MAP3K5: variants seen among roughly 807,000 people sequenced by gnomAD.
MAP3K5 encodes the protein ASK-1.
Under a neutral mutation model 158.7 loss-of-function variants are expected in MAP3K5, and 56 were observed. The observed-to-expected ratio is 0.35, with a 90% CI of 0.28 to 0.44. The LOEUF (loss-of-function observed/expected upper bound fraction) is 0.44, where lower values mean the gene tolerates loss of function less well. MAP3K5 is among the 20% of genes least tolerant of loss of function. The pLI is 1.00. For missense variants in MAP3K5, 1,294 were observed against 1,674.8 expected (o/e 0.77, Z 3.97); for synonymous variants, 579 against 601.7 (o/e 0.96, Z 0.55).
At chr6:136,581,379 G>A (rs1036456368) in intron 24 of MAP3K5, among the ~76,000 whole-genome samples, 2 of 152,106 alleles carry the variant, frequency 1.3e-5, no homozygotes, top group African/African-American at 4.8e-5. Flanking sequence ...TTTAGCATAA[G>A]ACTATGACAA....
intron 23 of MAP3K5, among the ~76,000 whole-genome samples, chr6:136,589,503 T>C (rs1053595756): frequency 6.6e-6 from 1 of 152,232 alleles, no homozygotes; most frequent in Non-Finnish European, 1.5e-5. Flanking sequence ...TCCTTGTGTT[T>C]GTACACAGAA....
chr6:136,586,604 C>T (rs1438600840), intron 23 of MAP3K5, among the ~76,000 whole-genome samples: 1 of 152,202 alleles, frequency 6.6e-6, no homozygotes, highest in Non-Finnish European at 1.5e-5. Context: ...TAACGGTATG[C>T]ATTTCCTGCA....
chr6:136,569,383 C>G (rs1583196555), intron 25 of MAP3K5, among the ~76,000 whole-genome samples: 1 of 152,188 alleles, frequency 6.6e-6, no homozygotes, highest in East Asian at 1.9e-4. Context: ...TCTATTCTCT[C>G]TGTAGCTTGT....
rs190455552 is a variant in MAP3K5 at position 136,624,646 on chromosome 6, A to G, written c.2017-1665T>C. The stretch of plus-strand genomic sequence containing the variant: ...CTAAAAATAAGACAGCCAAAAGTAT[A>G]TTTTACTTTCCTTTAAAATAACCAA... On this transcript the variant is annotated intron_variant, in intron 14 of 29. Transcript: ENST00000359015. Among the ~76,000 whole-genome samples, 70 of 152,304 alleles carry G rather than the reference A, an allele frequency of 4.6e-4. No individual in the cohort carries two copies. The Middle Eastern group carries it at 0.01, about 22-fold the overall frequency.
rs529751266 is a variant in MAP3K5 at position 136,564,988 on chromosome 6, C to T, written c.3762-2373G>A. Among the ~76,000 whole-genome samples the T allele has an allele frequency of 1.3e-4, 20 of 152,310 alleles. No homozygotes were observed. The South Asian group carries it at 3.9e-3, about 30-fold the overall frequency. On this transcript the variant is annotated intron_variant, in intron 26 of 29. Transcript: ENST00000359015. ...TTATTTTCTATAAATTTGTTCTGGC[C>T]ACGAGGCATCCCTGGAATCTCTCTG...
chr6:136,646,496 G>A (rs1778264059), intron 11 of MAP3K5, among the ~76,000 whole-genome samples: 1 of 152,098 alleles, frequency 6.6e-6, no homozygotes, highest in African/African-American at 2.4e-5. Flanking sequence ...AAAAATCTCT[G>A]GCTTACTTTC....
intron 11 of MAP3K5, among the ~76,000 whole-genome samples, chr6:136,650,225 A>G (rs984647183): frequency 6.6e-6 from 1 of 152,254 alleles, no homozygotes; most frequent in Admixed American, 6.5e-5. Flanking sequence ...ATGGTTAAAT[A>G]AAATTATAAG....
rs574383847 is a variant in MAP3K5 at position 136,777,638 on chromosome 6, A to G, written c.448+14072T>C. The stretch of plus-strand genomic sequence containing the variant: ...AAAAAAGAAATGTTATATAAAGTAT[A>G]CATTCATTAATGTGACTTAGAACCT... On this transcript the variant is annotated intron_variant, in intron 1 of 29. Transcript: ENST00000359015. 2.0e-5 allele frequency among the ~76,000 whole-genome samples: 3 copies of G among 152,360 alleles called. No individual in the cohort carries two copies. The South Asian group carries it at 6.2e-4, about 32-fold the overall frequency.
At chr6:136,751,600 G>A (rs1254118303) in intron 1 of MAP3K5, among the ~76,000 whole-genome samples, 1 of 152,158 alleles carries the variant, frequency 6.6e-6, no homozygotes, top group Non-Finnish European at 1.5e-5. Context: ...TCAACAATCA[G>A]GCAGTAATGT....
intron 1 of MAP3K5, among the ~76,000 whole-genome samples, chr6:136,742,348 T>C (rs1281721903): frequency 6.6e-6 from 1 of 151,742 alleles, no homozygotes; most frequent in Non-Finnish European, 1.5e-5. Flanking sequence ...TCAACTGATG[T>C]TTGACAAAGA....
chr6:136,666,216 T>C (rs1779224708), intron 8 of MAP3K5, among the ~76,000 whole-genome samples: 1 of 152,162 alleles, frequency 6.6e-6, no homozygotes, highest in Non-Finnish European at 1.5e-5. Context: ...ATGAAGCAAT[T>C]AGTCATAACC....
At chr6:136,632,704 A>G (rs1003676746) in intron 14 of MAP3K5, among the ~76,000 whole-genome samples, 1 of 152,128 alleles carries the variant, frequency 6.6e-6, no homozygotes, top group Non-Finnish European at 1.5e-5. Flanking sequence ...AAGAACGGGC[A>G]TGAGGGATTA....
intron 11 of MAP3K5, among the ~76,000 whole-genome samples, chr6:136,647,083 C>T (rs937557785): frequency 6.6e-6 from 1 of 152,208 alleles, no homozygotes; most frequent in African/African-American, 2.4e-5. Context: ...ATCAAATCAT[C>T]TGTCCCTTTG....
At chr6:136,717,539 G>C (rs1781577575) in intron 2 of MAP3K5, among the ~76,000 whole-genome samples, 1 of 152,174 alleles carries the variant, frequency 6.6e-6, no homozygotes, top group African/African-American at 2.4e-5. Flanking sequence ...TTTGCCCTGT[G>C]AAAACAGAGA....
At chr6:136,746,313 G>A (rs914654599) in intron 1 of MAP3K5, among the ~76,000 whole-genome samples, 1 of 151,932 alleles carries the variant, frequency 6.6e-6, no homozygotes, top group East Asian at 1.9e-4. Flanking sequence ...ATACAAATAC[G>A]TTCATGTCTG....
At chr6:136,637,489 C>T in intron 13 of MAP3K5, 83 bp from the exon 14 acceptor site, 1 of 828,300 alleles carries the variant, frequency 1.2e-6, no homozygotes, top group Non-Finnish European at 2.1e-6. Context: ...GACTTCAGAA[C>T]CAAAACTGAG....
At chr6:136,731,121 G>A (rs1782206464) in intron 1 of MAP3K5, among the ~76,000 whole-genome samples, 1 of 152,190 alleles carries the variant, frequency 6.6e-6, no homozygotes, top group Non-Finnish European at 1.5e-5. Context: ...ACGCCTTGGA[G>A]AGGATGGGCC....
intron 9 of MAP3K5, 51 bp downstream of exon 9, chr6:136,659,168 C>A (rs752325871): frequency 1.7e-5 from 24 of 1,416,498 alleles, no homozygotes; most frequent in Non-Finnish European, 2.3e-5. Flanking sequence ...AATATGGGAA[C>A]AATATGGAGC....
At chr6:136,615,729 T>A (rs74972329) in intron 15 of MAP3K5, among the ~76,000 whole-genome samples, 5,426 of 152,228 alleles carry the variant, frequency 0.036, 350 homozygotes, top group African/African-American at 0.12. Context: ...ATAATCTAAA[T>A]TGAATATATA....
Sources: allele counts gnomAD v4.1 joint callset (sites outside exome capture counted in the v4.1 genomes callset), GRCh38; gene constraint gnomAD v4.1.1; transcripts MANE v1.5; gene names NCBI Gene and HGNC (gene_info 2026-07-23, HGNC 2026-07-21).